Variants in MECOM observed in about 807,000 individuals in gnomAD.
MECOM encodes MDS1 and EVI1 complex locus, also known as histone-lysine N-methyltransferase MECOM.
In MECOM, 13 loss-of-function variants were observed where a neutral mutation model predicts 116.3. That is an observed-to-expected ratio of 0.11 (90% CI 0.07 to 0.18). The LOEUF is 0.18. Among genes scored for constraint, MECOM ranks in the 10% least tolerant of loss-of-function variants. The pLI is 1.00. For missense variants in MECOM, 1,299 were observed against 1,509.0 expected, an observed-to-expected ratio of 0.86 and a Z score of 2.31; for synonymous variants, 528 against 535.2, an observed-to-expected ratio of 0.99 and a Z score of 0.19.
At chr3:169,652,639 T>C (rs1037298774) in intron 1 of MECOM, among the ~76,000 whole-genome samples, 7 of 152,188 alleles carry the variant, frequency 4.6e-5, no homozygotes, top group Non-Finnish European at 8.8e-5. Flanking sequence ...GAAGAAGTCA[T>C]GTTTGCACTT....
intron 1 of MECOM, among the ~76,000 whole-genome samples, chr3:169,477,829 A>T (rs1289333298): frequency 6.6e-6 from 1 of 152,192 alleles, no homozygotes; most frequent in African/African-American, 2.4e-5. Context: ...CTTCAATAAG[A>T]CATATTATCT....
intron 1 of MECOM, among the ~76,000 whole-genome samples, chr3:169,495,626 C>T (rs1753717834): frequency 6.6e-6 from 1 of 152,158 alleles, no homozygotes; most frequent in Non-Finnish European, 1.5e-5. Flanking sequence ...TTTTCATATT[C>T]CAATACTCAT....
intron 2 of MECOM, among the ~76,000 whole-genome samples, chr3:169,162,515 C>A (rs1047529580): frequency 6.6e-6 from 1 of 152,038 alleles, no homozygotes; most frequent in Non-Finnish European, 1.5e-5. Flanking sequence ...AGAGGTGAGA[C>A]CTGCTGTCAT....
intron 1 of MECOM, among the ~76,000 whole-genome samples, chr3:169,536,574 A>T (rs1759388698): frequency 6.6e-6 from 1 of 152,062 alleles, no homozygotes; most frequent in East Asian, 1.9e-4. Context: ...AGAAAAAGAA[A>T]AAAATTAGTG....
chr3:169,545,929 A>G (rs1436070760), intron 1 of MECOM, among the ~76,000 whole-genome samples: 1 of 152,178 alleles, frequency 6.6e-6, no homozygotes, highest in Non-Finnish European at 1.5e-5. Flanking sequence ...CTCAACAGGA[A>G]TGATTTGAGA....
At chr3:169,326,284 A>G (rs62293342) in intron 2 of MECOM, among the ~76,000 whole-genome samples, 9,606 of 152,274 alleles carry the variant, frequency 0.063, 330 homozygotes, top group African/African-American at 0.081. Context: ...TATTCTATTC[A>G]AAGAAACGAA....
intron 1 of MECOM, among the ~76,000 whole-genome samples, chr3:169,395,116 A>G (rs761265263): frequency 6.6e-6 from 1 of 152,216 alleles, no homozygotes; most frequent in Non-Finnish European, 1.5e-5. Context: ...TCACAAAAAG[A>G]TCATGCACAC....
At chr3:169,606,420 A>AG (rs1560486817) in intron 1 of MECOM, among the ~76,000 whole-genome samples, 1 of 151,912 alleles carries the variant, frequency 6.6e-6, no homozygotes, top group African/African-American at 2.4e-5. Context: ...AAAAAAAAAA[A>AG]AAAGAAAAAG....
intron 1 of MECOM, among the ~76,000 whole-genome samples, chr3:169,554,198 C>A (rs1389423326): frequency 6.6e-6 from 1 of 152,134 alleles, no homozygotes; most frequent in Non-Finnish European, 1.5e-5. Context: ...TGTTAGAAGC[C>A]TCATGGTAAA....
At chr3:169,530,798 G>A (rs924467754) in intron 1 of MECOM, among the ~76,000 whole-genome samples, 4 of 151,828 alleles carry the variant, frequency 2.6e-5, no homozygotes, top group Non-Finnish European at 5.9e-5. Flanking sequence ...AGGTTAAATG[G>A]TATAATGTCC....
chr3:169,112,533 A>G (rs1727760140), intron 9 of MECOM, among the ~76,000 whole-genome samples: 1 of 152,192 alleles, frequency 6.6e-6, no homozygotes, highest in East Asian at 1.9e-4. Context: ...TCACTCCAAA[A>G]TGCACTTTAA....
intron 2 of MECOM, among the ~76,000 whole-genome samples, chr3:169,322,997 T>TAAAAAAAAA (rs748984561): frequency 1.2e-4 from 7 of 56,022 alleles, no homozygotes; most frequent in South Asian, 8.5e-4. Flanking sequence ...AAGACTCCGG[T>TAAAAAAAAA]AAAAAAAAAA....
chr3:169,530,502 C>T (rs1361436342), intron 1 of MECOM, among the ~76,000 whole-genome samples: 1 of 152,126 alleles, frequency 6.6e-6, no homozygotes, highest in Non-Finnish European at 1.5e-5. Context: ...TGGAGTCTCC[C>T]AGCCACCTAT....
chr3:169,485,908 T>G (rs1752125244), intron 1 of MECOM, among the ~76,000 whole-genome samples: 1 of 124,740 alleles, frequency 8.0e-6, no homozygotes. Context: ...ATATAGTATA[T>G]ATGTATGTAT....
chr3:169,490,141 T>C lies in MECOM; in HGVS notation c.38-108617A>G, dbSNP rs1173929904. On this transcript the variant is annotated intron_variant, in intron 1 of 16. Transcript: ENST00000651503. ...AAAGAGAGAAAGTCAAATGAGACTTTGCATGCGCTTTAGAGTTTCAAAAAT... is the reference window on the plus strand; with the variant it reads ...AAAGAGAGAAAGTCAAATGAGACTTCGCATGCGCTTTAGAGTTTCAAAAAT... Among the ~76,000 whole-genome samples, 14 of 152,338 alleles carry C rather than the reference T, an allele frequency of 9.2e-5. No homozygotes were observed. The East Asian group carries it at 2.7e-3, about 29-fold the overall frequency.
chr3:169,605,565 G>C (rs150366742), intron 1 of MECOM, among the ~76,000 whole-genome samples: 1 of 152,158 alleles, frequency 6.6e-6, no homozygotes. Flanking sequence ...TGTGCTAGAC[G>C]ACAAGACTAA....
At chr3:169,155,429 TGTTTCTACAG>T (rs1189039805) in intron 2 of MECOM, among the ~76,000 whole-genome samples, 1 of 152,160 alleles carries the variant, frequency 6.6e-6, no homozygotes, top group Admixed American at 6.6e-5. Flanking sequence ...TCTGTTAAAC[TGTTTCTACAG>T]GGTGCTCATT....
chr3:169,156,159 A>G (rs1328150380), intron 2 of MECOM, among the ~76,000 whole-genome samples: 3 of 152,246 alleles, frequency 2.0e-5, no homozygotes, highest in East Asian at 3.9e-4. Context: ...ACTTCACCCA[A>G]TGGATAAAGA....
rs776431475 is a variant in MECOM at position 169,441,760 on chromosome 3, T to A, written c.38-60236A>T. On this transcript the variant is annotated intron_variant, in intron 1 of 16. Coordinates refer to ENST00000651503, the MANE Select transcript of MECOM (RefSeq NM_004991.4). ...TTTTTTTTTTAAAAAAGGGGGGGTC[T>A]TGCTCTGTCACCCAGGCTGGAGTGC... is the stretch of plus-strand genomic sequence containing the variant. 8.9e-4 allele frequency among the ~76,000 whole-genome samples: 133 copies of A among 149,866 alleles called. 18 individuals are homozygous for A. The highest frequency in any genetic ancestry group is 1.7e-3 in the Admixed American group (25 of 14,932).
Sources: gnomAD v4.1 joint callset for allele counts (sites outside exome capture counted in the v4.1 genomes callset) on GRCh38, gnomAD v4.1.1 for gene constraint, MANE v1.5 for transcripts, NCBI Gene and HGNC (gene_info 2026-07-23, HGNC 2026-07-21) for gene names.